Variants in DOP1A observed in about 807,000 individuals in gnomAD.
The protein encoded by DOP1A is DOP1 leucine zipper like protein A.
A neutral mutation model predicts 267.6 loss-of-function variants in DOP1A; 90 were observed. The observed-to-expected ratio is 0.34, with a 90% CI of 0.28 to 0.40. The LOEUF is 0.40. Ranked by LOEUF, DOP1A falls within the 10% of genes least tolerant of loss-of-function variation. The pLI is 1.00. For missense variants in DOP1A, 2,437 were observed against 2,900.4 expected (o/e 0.84, Z 3.67); for synonymous variants, 932 against 999.1 (o/e 0.93, Z 1.27).
At chr6:83,129,948 A>G (rs1200181441) in intron 16 of DOP1A, among the ~76,000 whole-genome samples, 175 bp from the exon 17 acceptor site, 1 of 152,246 alleles carries the variant, frequency 6.6e-6, no homozygotes, top group Non-Finnish European at 1.5e-5. Flanking sequence ...TGAAAAAAGT[A>G]TAAGAAATTC....
At chr6:83,142,417 A>C (rs1419792570) in intron 24 of DOP1A, among the ~76,000 whole-genome samples, 3 of 152,142 alleles carry the variant, frequency 2.0e-5, no homozygotes, top group Non-Finnish European at 2.9e-5. Context: ...CTGAGGCAAG[A>C]GAATTGCTTG....
chr6:83,125,449 C>T (rs1245425661), intron 14 of DOP1A, 51 bp from the exon 15 acceptor site: 1 of 1,535,242 alleles, frequency 6.5e-7, no homozygotes, highest in Non-Finnish European at 8.9e-7. Flanking sequence ...AAAAATGTAA[C>T]TTTTGGGTTC....
At chr6:83,091,966 A>G (rs898408427) in intron 1 of DOP1A, among the ~76,000 whole-genome samples, 6 of 152,214 alleles carry the variant, frequency 3.9e-5, no homozygotes, top group Non-Finnish European at 8.8e-5. Context: ...TGGTTTTGCT[A>G]TCCTTCTGAT....
chr6:83,144,067 C>G (rs1780078157), intron 24 of DOP1A, among the ~76,000 whole-genome samples: 1 of 152,192 alleles, frequency 6.6e-6, no homozygotes, highest in Non-Finnish European at 1.5e-5. Context: ...TCCAGCCAAA[C>G]TGTCACTCAA....
Position 83,129,241 on chromosome 6 carries a change from T to C in DOP1A, c.2074T>C (p.Tyr692His), listed in dbSNP as rs1199105436. 1 of 1,613,552 alleles carries C rather than the reference T, an allele frequency of 6.2e-7. No individual in the cohort carries two copies. Among genetic ancestry groups the C allele is most frequent in the African/African-American group, 1.3e-5 (1 of 75,026 alleles). The stretch of plus-strand genomic sequence containing the variant: ...GTTTCTTACCAGACTTATCAACCTC[T>C]ACATCATTCAGAATAACTCTTTTTC... ...QQFLTRLINLYIIQNNSFSQS... is the reference protein window; with the variant it reads ...QQFLTRLINLHIIQNNSFSQS... Residue 692 changes from tyrosine (Y) to histidine (H), a missense_variant, in exon 16 of 39, where the codon TAC becomes CAC. Tyr to His is a moderately conservative substitution (Grantham distance 83, BLOSUM62 2). Around this residue, in one of 9 missense-constraint regions of DOP1A, gnomAD observed 498 missense variants for 513.5 expected, o/e 0.97. Transcript: ENST00000349129.
At chr6:83,104,143 T>C (rs182054470) in intron 4 of DOP1A, among the ~76,000 whole-genome samples, 1 of 152,218 alleles carries the variant, frequency 6.6e-6, no homozygotes, top group Non-Finnish European at 1.5e-5. Flanking sequence ...GGTGTTTTTC[T>C]GTATTGACAT....
intron 8 of DOP1A, 55 bp downstream of exon 8, chr6:83,119,042 C>A: frequency 6.8e-7 from 1 of 1,477,802 alleles, no homozygotes; most frequent in South Asian, 1.1e-5. Flanking sequence ...GGAGATTTGT[C>A]ATGTATAAGT....
chr6:83,153,668 A>G, intron 31 of DOP1A, 48 bp downstream of exon 31: 2 of 1,439,998 alleles, frequency 1.4e-6, no homozygotes, highest in Non-Finnish European at 1.9e-6. Context: ...ATAGCCTGTT[A>G]GAAACAAGTT....
At chr6:83,129,555 T>C in intron 16 of DOP1A, 47 bp downstream of exon 16, 1 of 1,389,850 alleles carries the variant, frequency 7.2e-7, no homozygotes. Context: ...GTCTGTAGTA[T>C]GTTTTTTCTT....
chr6:83,071,064 A>G (rs1266086830), intron 1 of DOP1A, among the ~76,000 whole-genome samples: 2 of 152,226 alleles, frequency 1.3e-5, no homozygotes, highest in South Asian at 2.1e-4. Flanking sequence ...CTAACTAGAA[A>G]CTATTGCCTG....
chr6:83,116,005 C>T (rs952318772), intron 7 of DOP1A, among the ~76,000 whole-genome samples: 1 of 152,088 alleles, frequency 6.6e-6, no homozygotes, highest in African/African-American at 2.4e-5. Flanking sequence ...TTTAAAAGTA[C>T]AGAAGGTCCT....
At chr6:83,110,352 T>G (rs767658159) in intron 6 of DOP1A, 38 bp downstream of exon 6, 1 of 1,587,680 alleles carries the variant, frequency 6.3e-7, no homozygotes, top group East Asian at 2.2e-5. Context: ...TCACAAATAT[T>G]TCTTTAGAGT....
In DOP1A at chr6:83,153,917, G is replaced by A. The variant is rs182891090; in HGVS notation, c.6263G>A (p.Arg2088Gln). The A allele has an allele frequency of 1.7e-5, 27 of 1,612,400 alleles. No homozygotes were observed. The highest frequency in any genetic ancestry group is 1.3e-4 in the East Asian group (6 of 44,866). Residue 2088 changes from arginine to glutamine, a missense_variant, in exon 32 of 39, where the codon CGA becomes CAA. Physicochemically the swap from Arg to Gln is conservative, Grantham distance 43. Coordinates refer to ENST00000349129, the MANE Select transcript of DOP1A (RefSeq NM_015018.4). The stretch of plus-strand genomic sequence containing the variant: ...AGTGCACATAATGCCCCTAGTTATC[G>A]AGCTTGTGTCCAGCTGCTCAGCAGT... ...NHSAHNAPSY[R>Q]ACVQLLSSLS...
intron 17 of DOP1A, among the ~76,000 whole-genome samples, chr6:83,131,856 C>CA (rs199768787): frequency 0.019 from 2,954 of 152,216 alleles, 109 homozygotes; most frequent in African/African-American, 0.067. Flanking sequence ...AGGCTGGTCT[C>CA]AAACTCCTGA....
In DOP1A at chr6:83,151,380, C is replaced by G. The variant is rs541012246; in HGVS notation, c.5838-213C>G. On this transcript the variant is annotated intron_variant, in intron 27 of 38. Transcript: ENST00000349129. ...CATCTGGGTTCCTTCCACTTTGGGG[C>G]TCTTACAAAAGATGCTTTGAGCATC... 1.5e-3 allele frequency among the ~76,000 whole-genome samples: 222 copies of G among 152,210 alleles called. 1 individual carries two copies. The highest frequency in any genetic ancestry group is 0.01 in the Middle Eastern group (3 of 294).
At chr6:83,095,311 A>T (rs565270267) in intron 1 of DOP1A, among the ~76,000 whole-genome samples, 65 of 152,172 alleles carry the variant, frequency 4.3e-4, no homozygotes, top group Non-Finnish European at 7.4e-4. Flanking sequence ...TGAGGGTTTT[A>T]TAGTTCTAAC....
intron 9 of DOP1A, among the ~76,000 whole-genome samples, 174 bp downstream of exon 9, chr6:83,120,031 G>A (rs1776112507): frequency 6.6e-6 from 1 of 151,920 alleles, no homozygotes; most frequent in Non-Finnish European, 1.5e-5. Flanking sequence ...ATAATCATAT[G>A]TTAGACTACC....
chr6:83,111,570 G>A (rs891959287), intron 6 of DOP1A, among the ~76,000 whole-genome samples: 6 of 151,910 alleles, frequency 3.9e-5, no homozygotes, highest in African/African-American at 1.5e-4. Context: ...AGTCCTCCCA[G>A]TGGGTATAAA....
chr6:83,171,087 C>T (rs1015700402), downstream of DOP1A: 1 of 152,400 alleles, frequency 6.6e-6, no homozygotes, highest in African/African-American at 2.4e-5. Context: ...CACCTGTAAT[C>T]CTAGCACTTT....
Sources: gnomAD v4.1 joint callset for allele counts (sites outside exome capture counted in the v4.1 genomes callset) on GRCh38, gnomAD v4.1.1 for gene constraint, gnomAD v4.1.1 regional missense constraint, MANE v1.5 for transcripts, NCBI Gene and HGNC (gene_info 2026-07-23, HGNC 2026-07-21) for gene names.